Variants in AKR1E2 observed in about 807,000 individuals in gnomAD.
AKR1E2 encodes the protein aldo-keto reductase family 1 member E2, also known as 1,5-anhydro-D-fructose reductase.
AKR1E2 carries 43 observed loss-of-function variants against 41.9 expected under a neutral mutation model. The ratio of observed to expected loss-of-function variants is 1.03; its 90% CI spans 0.80 to 1.32. The LOEUF (loss-of-function observed/expected upper bound fraction) is 1.32, where lower values mean the gene tolerates loss of function less well. Among genes scored for constraint, AKR1E2 ranks in the 40% most tolerant of loss-of-function variants. The probability of loss-of-function intolerance (pLI) is 0.00; values close to 1 mark genes in which losing one functional copy is unlikely to be tolerated. For missense variants in AKR1E2, 423 were observed against 396.5 expected, an observed-to-expected ratio of 1.07 and a Z score of -0.57; for synonymous variants, 121 against 138.9, an observed-to-expected ratio of 0.87 and a Z score of 0.91.
chr10:4,846,157 G>A (rs118012511), intron 8 of AKR1E2: 12 of 264,878 alleles, frequency 4.5e-5, no homozygotes, highest in African/African-American at 1.8e-4. Flanking sequence ...CAGATGACAC[G>A]CTGAGGCTAC....
chr10:4,862,105 G>A, the AKR1E2 span, among the ~76,000 whole-genome samples: 1 of 152,136 alleles, frequency 6.6e-6, no homozygotes, highest in Non-Finnish European at 1.5e-5. Flanking sequence ...ATTAGTTTTT[G>A]TATAAGGTGT....
intron 6 of AKR1E2, among the ~76,000 whole-genome samples, chr10:4,840,444 C>T (rs1833785725): frequency 6.6e-6 from 1 of 152,238 alleles, no homozygotes; most frequent in South Asian, 2.1e-4. Context: ...TCAGCTCCCT[C>T]CCTGGCCCAC....
upstream of AKR1E2, among the ~76,000 whole-genome samples, chr10:4,825,389 A>C (rs1832395439): frequency 6.6e-6 from 1 of 152,118 alleles, no homozygotes; most frequent in South Asian, 2.1e-4. Context: ...GGGGCGTCGG[A>C]AGGCTCCCTT....
Position 4,841,810 on chromosome 10 carries a change from C to A in AKR1E2, c.706C>A (p.Pro236Thr), listed in dbSNP as rs763130186. 9.9e-6 allele frequency: 16 copies of A among 1,612,772 alleles called. No individual in the cohort carries two copies. The South Asian group carries it at 1.4e-4, about 14-fold the overall frequency. ...TGAGGGGGTTGACCTGATAGACAAC[C>A]CTGTGATCAAGAGGATTGCAAAGGA... ...SCEGVDLIDNPVIKRIAKEHG... is the reference protein window; with the variant it reads ...SCEGVDLIDNTVIKRIAKEHG... Residue 236 changes from proline (P) to threonine (T), a missense_variant, in exon 7 of 10, where the codon CCT (proline) becomes ACT (threonine). Coordinates refer to ENST00000298375, the MANE Select transcript of AKR1E2 (RefSeq NM_001040177.3).
At chr10:4,842,527 T>C in intron 8 of AKR1E2, 23 bp downstream of exon 8, 1 of 1,609,024 alleles carries the variant, frequency 6.2e-7, no homozygotes, top group Non-Finnish European at 8.5e-7. Context: ...CTTCTTTTAT[T>C]TGGCGGGTTT....
the AKR1E2 span, among the ~76,000 whole-genome samples, chr10:4,867,136 T>C: frequency 6.6e-6 from 1 of 152,330 alleles, no homozygotes; most frequent in African/African-American, 2.4e-5. Flanking sequence ...CCAAAGTTAG[T>C]TCAACCTACC....
chr10:4,845,156 C>A (rs1222753324), intron 8 of AKR1E2, among the ~76,000 whole-genome samples: 1 of 152,214 alleles, frequency 6.6e-6, no homozygotes, highest in Non-Finnish European at 1.5e-5. Flanking sequence ...GCCGCTGGCC[C>A]GAGTGCTAAG....
intron 8 of AKR1E2, among the ~76,000 whole-genome samples, chr10:4,843,594 G>C (rs1234011107): frequency 6.6e-6 from 1 of 152,244 alleles, no homozygotes; most frequent in Admixed American, 6.5e-5. Context: ...GGCTCGGTTT[G>C]GTTGTGCCAA....
chr10:4,842,392 G>A (rs1299817299), intron 7 of AKR1E2, 29 bp from the exon 8 acceptor site: 1 of 1,600,978 alleles, frequency 6.2e-7, no homozygotes, highest in Non-Finnish European at 8.6e-7. Context: ...TTCCCTTTGT[G>A]TGATAGTAGA....
intron 3 of AKR1E2, 28 bp from the exon 4 acceptor site, chr10:4,835,647 C>G: frequency 7.1e-7 from 1 of 1,402,394 alleles, no homozygotes; most frequent in Non-Finnish European, 9.7e-7. Flanking sequence ...GTTTTGTTTT[C>G]ACACATCTCA....
chr10:4,871,950 A>G, the AKR1E2 span: 1 of 146,390 alleles, frequency 6.8e-6, no homozygotes, highest in African/African-American at 2.5e-5. Context: ...TGAAAAGGAA[A>G]GGGAAAGTCT....
At chr10:4,861,306 A>T in the AKR1E2 span, among the ~76,000 whole-genome samples, 1 of 152,192 alleles carries the variant, frequency 6.6e-6, no homozygotes, top group African/African-American at 2.4e-5. Context: ...TCATCATCCC[A>T]GAGCACATTA....
chr10:4,844,076 C>G (rs941437757), intron 8 of AKR1E2, among the ~76,000 whole-genome samples: 1 of 152,212 alleles, frequency 6.6e-6, no homozygotes, highest in Admixed American at 6.5e-5. Context: ...GTCTCACTGA[C>G]TTCAGGAATG....
intron 6 of AKR1E2, 59 bp downstream of exon 6, chr10:4,839,885 C>T (rs1833737184): frequency 1.4e-6 from 2 of 1,477,520 alleles, no homozygotes; most frequent in East Asian, 4.5e-5. Context: ...ATGCCACCTT[C>T]TCATTTCCTT....
At chr10:4,836,053 CT>C (rs962723269) in intron 4 of AKR1E2, among the ~76,000 whole-genome samples, 8 of 152,124 alleles carry the variant, frequency 5.3e-5, no homozygotes, top group Non-Finnish European at 1.0e-4. Context: ...ATAGACCTCA[CT>C]TTTTTTCTCA....
At chr10:4,840,242 G>T (rs1833764775) in intron 6 of AKR1E2, among the ~76,000 whole-genome samples, 1 of 152,158 alleles carries the variant, frequency 6.6e-6, no homozygotes, top group African/African-American at 2.4e-5. Context: ...TCAGCTAAGA[G>T]ACCTCCAGCC....
At chr10:4,859,859 G>A in the AKR1E2 span, among the ~76,000 whole-genome samples, 1 of 152,220 alleles carries the variant, frequency 6.6e-6, no homozygotes, top group African/African-American at 2.4e-5. Flanking sequence ...TAATTTTGTG[G>A]TGTCTCCCTT....
chr10:4,851,606 G>A (rs148146130), downstream of AKR1E2, among the ~76,000 whole-genome samples: 1 of 152,294 alleles, frequency 6.6e-6, no homozygotes, highest in African/African-American at 2.4e-5. Flanking sequence ...GTACTAACTC[G>A]ATGCTTTCTG....
chr10:4,840,122 C>T (rs1451507008), intron 6 of AKR1E2, among the ~76,000 whole-genome samples: 1 of 152,142 alleles, frequency 6.6e-6, no homozygotes, highest in Non-Finnish European at 1.5e-5. Flanking sequence ...TGTCAGCCCC[C>T]TTCTGACCTC....
Sources: gnomAD v4.1 joint callset for allele counts (sites outside exome capture counted in the v4.1 genomes callset) on GRCh38, gnomAD v4.1.1 for gene constraint, MANE v1.5 for transcripts, NCBI Gene and HGNC (gene_info 2026-07-23, HGNC 2026-07-21) for gene names.